Variants in ENTREP2 observed in about 807,000 individuals in gnomAD.
The protein encoded by ENTREP2 is endosomal transmembrane epsin interactor 2.
the ENTREP2 span, among the ~76,000 whole-genome samples, chr15:29,402,867 C>A: frequency 6.6e-6 from 1 of 152,184 alleles, no homozygotes; most frequent in Admixed American, 6.5e-5. Flanking sequence ...CCCAAGCCAG[C>A]GACAGCTGGT....
chr15:29,237,497 T>A, the ENTREP2 span, among the ~76,000 whole-genome samples: 5 of 152,168 alleles, frequency 3.3e-5, no homozygotes, highest in Non-Finnish European at 7.3e-5. Flanking sequence ...TTGGTTTTTA[T>A]AAAAGGGATG....
chr15:29,646,151 T>C, the ENTREP2 span, among the ~76,000 whole-genome samples: 1 of 152,312 alleles, frequency 6.6e-6, no homozygotes, highest in Admixed American at 6.5e-5. Context: ...AAAGAAATCA[T>C]TGATTGTGTT....
the ENTREP2 span, among the ~76,000 whole-genome samples, chr15:29,443,525 G>C: frequency 6.6e-6 from 1 of 152,272 alleles, no homozygotes; most frequent in Non-Finnish European, 1.5e-5. Flanking sequence ...CACGGGTCTG[G>C]TGGGTGTTTC....
chr15:29,298,957 TAAACA>T, the ENTREP2 span, among the ~76,000 whole-genome samples: 1 of 151,876 alleles, frequency 6.6e-6, no homozygotes, highest in Non-Finnish European at 1.5e-5. Flanking sequence ...GCAAAGATCC[TAAACA>T]AAACTTTAAC....
the ENTREP2 span, among the ~76,000 whole-genome samples, chr15:29,484,923 T>C: frequency 6.6e-6 from 1 of 152,200 alleles, no homozygotes; most frequent in Non-Finnish European, 1.5e-5. Flanking sequence ...TGAATTAGAA[T>C]TTTTATTTGT....
At chr15:29,632,825 C>T in the ENTREP2 span, among the ~76,000 whole-genome samples, 1 of 152,206 alleles carries the variant, frequency 6.6e-6, no homozygotes, top group South Asian at 2.1e-4. Flanking sequence ...TGGATCCTCC[C>T]TCTGCTGCCT....
At chr15:29,130,886 A>C in the ENTREP2 span, among the ~76,000 whole-genome samples, 10 of 152,334 alleles carry the variant, frequency 6.6e-5, no homozygotes, top group African/African-American at 1.9e-4. Context: ...GTGGCATAGA[A>C]TTTAAGTTGA....
the ENTREP2 span, among the ~76,000 whole-genome samples, chr15:29,254,212 T>C: frequency 7.2e-6 from 1 of 138,146 alleles, no homozygotes; most frequent in East Asian, 2.3e-4. Flanking sequence ...TTCTGTCTAA[T>C]GCACACTTCA....
chr15:29,325,448 T>C, the ENTREP2 span, among the ~76,000 whole-genome samples: 1 of 152,178 alleles, frequency 6.6e-6, no homozygotes, highest in Non-Finnish European at 1.5e-5. Flanking sequence ...TATTAATCCA[T>C]GGACATTAAA....
At chr15:29,133,083 T>C in the ENTREP2 span, among the ~76,000 whole-genome samples, 1 of 152,112 alleles carries the variant, frequency 6.6e-6, no homozygotes, top group Non-Finnish European at 1.5e-5. Context: ...AGCATGGAGC[T>C]TCCCATTGCA....
At chr15:29,459,258 G>A in the ENTREP2 span, among the ~76,000 whole-genome samples, 1 of 152,196 alleles carries the variant, frequency 6.6e-6, no homozygotes, top group African/African-American at 2.4e-5. Flanking sequence ...GTTTCAAAGA[G>A]ACCTTCAAAG....
the ENTREP2 span, among the ~76,000 whole-genome samples, chr15:29,514,070 G>A: frequency 3.4e-4 from 52 of 152,146 alleles, no homozygotes; most frequent in South Asian, 6.2e-4. Context: ...CTTCTGTTTC[G>A]GTTTTTATGT....
the ENTREP2 span, among the ~76,000 whole-genome samples, chr15:29,296,699 T>C: frequency 6.6e-6 from 1 of 152,184 alleles, no homozygotes; most frequent in Admixed American, 6.5e-5. Flanking sequence ...GATTGGGATA[T>C]GTATTAGTTT....
At chr15:29,377,789 C>T in the ENTREP2 span, among the ~76,000 whole-genome samples, 3 of 148,876 alleles carry the variant, frequency 2.0e-5, no homozygotes, top group East Asian at 3.9e-4. Context: ...CCATTGCCCT[C>T]CAGCCTGGGC....
the ENTREP2 span, among the ~76,000 whole-genome samples, chr15:29,552,886 C>G: frequency 6.6e-6 from 1 of 152,122 alleles, no homozygotes; most frequent in Non-Finnish European, 1.5e-5. Context: ...CTGAAAAGAA[C>G]GGCACATCTG....
chr15:29,518,219 A>ACAAAT, the ENTREP2 span, among the ~76,000 whole-genome samples: 1 of 152,094 alleles, frequency 6.6e-6, no homozygotes, highest in African/African-American at 2.4e-5. Flanking sequence ...ACAAAACAAA[A>ACAAAT]CAAAACAAAA....
chr15:29,253,949 CTCTT>C, the ENTREP2 span, among the ~76,000 whole-genome samples: 1 of 152,006 alleles, frequency 6.6e-6, no homozygotes, highest in African/African-American at 2.4e-5. Flanking sequence ...ATATACTTGA[CTCTT>C]TCTGTTCATT....
At chr15:29,504,599 G>A in the ENTREP2 span, among the ~76,000 whole-genome samples, 2 of 152,132 alleles carry the variant, frequency 1.3e-5, no homozygotes, top group Admixed American at 1.3e-4. Context: ...CCAAGTTTAG[G>A]CATCCATGAA....
At chr15:29,566,405 C>T in the ENTREP2 span, among the ~76,000 whole-genome samples, 1 of 151,908 alleles carries the variant, frequency 6.6e-6, no homozygotes, top group Non-Finnish European at 1.5e-5. Flanking sequence ...ACCTCGTGAT[C>T]CACCTGCCTC....
Sources: allele counts gnomAD v4.1 joint callset (sites outside exome capture counted in the v4.1 genomes callset), GRCh38; gene constraint gnomAD v4.1.1; transcripts MANE v1.5; gene names NCBI Gene and HGNC (gene_info 2026-07-23, HGNC 2026-07-21).